Variants in PTPRE observed in about 807,000 individuals in gnomAD.
PTPRE encodes receptor-type tyrosine-protein phosphatase epsilon.
In PTPRE, 51 loss-of-function variants were observed where a neutral mutation model predicts 102.0. That is an observed-to-expected ratio of 0.50 (90% CI 0.40 to 0.63). The LOEUF (loss-of-function observed/expected upper bound fraction) is 0.63, where lower values mean the gene tolerates loss of function less well. Among genes scored for constraint, PTPRE ranks in the 30% least tolerant of loss-of-function variants. PTPRE has a pLI of 0.00. For synonymous variants in PTPRE, 345 were observed against 348.2 expected, an observed-to-expected ratio of 0.99 and a Z score of 0.10; for missense variants, 752 against 915.1, an observed-to-expected ratio of 0.82 and a Z score of 2.30.
At chr10:127,936,964 G>A (rs968396111) in intron 1 of PTPRE, among the ~76,000 whole-genome samples, 6 of 152,150 alleles carry the variant, frequency 3.9e-5, no homozygotes, top group Non-Finnish European at 7.4e-5. Flanking sequence ...TGCAGTGAAG[G>A]TGGCCTGTCT....
intron 1 of PTPRE, among the ~76,000 whole-genome samples, chr10:127,922,899 C>T (rs1421587916): frequency 2.0e-5 from 3 of 152,214 alleles, no homozygotes; most frequent in South Asian, 2.1e-4. Flanking sequence ...CTTAGGACCT[C>T]GTCTTCCAGA....
At chr10:128,068,016 C>G in intron 11 of PTPRE, 107 bp from the exon 12 acceptor site, 5 of 1,301,244 alleles carry the variant, frequency 3.8e-6, no homozygotes, top group Admixed American at 4.3e-5. Flanking sequence ...CCCTCCCCTA[C>G]GCAGCCCCAG....
intron 1 of PTPRE, among the ~76,000 whole-genome samples, chr10:127,943,970 G>A (rs1303235565): frequency 1.3e-5 from 2 of 152,158 alleles, no homozygotes; most frequent in Non-Finnish European, 2.9e-5. Flanking sequence ...ATGGGCATTG[G>A]GGCTGGGAAG....
At chr10:127,974,242 G>A (rs1021961144) in intron 1 of PTPRE, among the ~76,000 whole-genome samples, 3 of 152,094 alleles carry the variant, frequency 2.0e-5, no homozygotes, top group Non-Finnish European at 2.9e-5. Flanking sequence ...TTCTGCGTCC[G>A]GTCCTTACCT....
chr10:128,069,881 C>A, intron 13 of PTPRE, 54 bp downstream of exon 13: 1 of 1,612,878 alleles, frequency 6.2e-7, no homozygotes, highest in South Asian at 1.1e-5. Flanking sequence ...AAACCCGATG[C>A]CTTCGCCACA....
At chr10:128,033,415 A>AT (rs922300655) in intron 2 of PTPRE, among the ~76,000 whole-genome samples, 3 of 152,116 alleles carry the variant, frequency 2.0e-5, no homozygotes, top group Non-Finnish European at 4.4e-5. Context: ...GTTTTATTTT[A>AT]TTTTTTTATT....
chr10:128,060,213 A>T (rs1033837435), intron 7 of PTPRE, among the ~76,000 whole-genome samples: 9 of 150,198 alleles, frequency 6.0e-5, no homozygotes, highest in African/African-American at 2.2e-4. Flanking sequence ...TACACACCAC[A>T]CACACACCAC....
chr10:128,068,173 C>T lies in PTPRE; in HGVS notation c.894C>T (p.Phe298=). The change falls in exon 12 of 21, where the codon TTC becomes TTT. Residue 298 remains phenylalanine, a synonymous_variant. Transcript: ENST00000254667. ...CCAGGCTGGTCTCACAGCTGCACTT[C>T]ACCAGCTGGCCCGACTTCGGAGTGC... ...KAPRLVSQLH[F]TSWPDFGVPF... The T allele has an allele frequency of 6.2e-7, 1 of 1,614,180 alleles. No individual in the cohort carries two copies. The highest frequency in any genetic ancestry group is 8.5e-7 in the Non-Finnish European group (1 of 1,180,000).
At chr10:127,920,808 A>G (rs1344275596) in intron 1 of PTPRE, among the ~76,000 whole-genome samples, 1 of 152,222 alleles carries the variant, frequency 6.6e-6, no homozygotes, top group Non-Finnish European at 1.5e-5. Flanking sequence ...CTGGATCCAC[A>G]TGGCCAGATG....
chr10:127,982,054 T>A (rs1232574076), intron 1 of PTPRE, among the ~76,000 whole-genome samples: 1 of 152,068 alleles, frequency 6.6e-6, no homozygotes, highest in Admixed American at 6.6e-5. Flanking sequence ...CATCAACTGA[T>A]CATTAGAGGT....
chr10:127,932,797 G>GC (rs35155038), intron 1 of PTPRE, among the ~76,000 whole-genome samples: 31,345 of 152,180 alleles, frequency 0.21, 3,390 homozygotes, highest in East Asian at 0.27. Flanking sequence ...TTGACGGGCT[G>GC]CAGGGTCATG....
intron 2 of PTPRE, among the ~76,000 whole-genome samples, chr10:128,007,575 T>A (rs554632751): frequency 6.6e-6 from 1 of 152,376 alleles, no homozygotes; most frequent in South Asian, 2.1e-4. Context: ...TCTTACAATG[T>A]TTCAGAATAA....
chr10:128,066,242 G>T (rs768703618), intron 11 of PTPRE, 48 bp downstream of exon 11: 1 of 1,602,680 alleles, frequency 6.2e-7, no homozygotes. Flanking sequence ...TTTTCAGAGA[G>T]CATCATGCCC....
intron 2 of PTPRE, among the ~76,000 whole-genome samples, chr10:128,004,641 T>C (rs1362088606): frequency 2.0e-5 from 3 of 152,272 alleles, no homozygotes; most frequent in African/African-American, 4.8e-5. Flanking sequence ...GTTTACTCAT[T>C]CATCAGTGGA....
Position 128,077,602 on chromosome 10 carries a change from C to T in PTPRE, c.1726-15C>T. 2 of 1,593,950 alleles carry T rather than the reference C, an allele frequency of 1.3e-6. No homozygotes were observed. Among genetic ancestry groups the T allele is most frequent in the Non-Finnish European group, 1.7e-6 (2 of 1,165,432 alleles). Reference sequence around the variant, plus strand: ...GGCAGGCAGGCGACGCTGAGACCCCCTCTCCTCCCTGCAGCCCCAGGCCCG... The same window carrying T: ...GGCAGGCAGGCGACGCTGAGACCCCTTCTCCTCCCTGCAGCCCCAGGCCCG... On this transcript the variant is annotated splice_polypyrimidine_tract_variant and intron_variant, in intron 18 of 20. Coordinates refer to ENST00000254667, the MANE Select transcript of PTPRE (RefSeq NM_006504.6).
chr10:127,927,365 C>T (rs948505995), intron 1 of PTPRE, among the ~76,000 whole-genome samples: 2 of 152,304 alleles, frequency 1.3e-5, no homozygotes, highest in Admixed American at 6.5e-5. Context: ...CAGAATCCTA[C>T]TCAATGTGGC....
At chr10:127,957,103 C>A (rs115100374) in intron 1 of PTPRE, among the ~76,000 whole-genome samples, 2,923 of 152,160 alleles carry the variant, frequency 0.019, 96 homozygotes, top group African/African-American at 0.067. Context: ...TCAATTCTTT[C>A]TTTTATGGGT....
At chr10:128,061,821 G>GTGTGTTTACACCT (rs1849617280) in intron 9 of PTPRE, 106 bp downstream of exon 9, 28 of 1,369,992 alleles carry the variant, frequency 2.0e-5, no homozygotes, top group Admixed American at 3.0e-5. Context: ...ATTTGTGTGT[G>GTGTGTTTACACCT]TGTGTTTACA....
At chr10:128,066,883 G>A (rs1038551595) in intron 11 of PTPRE, among the ~76,000 whole-genome samples, 1 of 151,730 alleles carries the variant, frequency 6.6e-6, no homozygotes, top group African/African-American at 2.4e-5. Context: ...GGCGCACACA[G>A]GCACTCACAT....
Sources: gnomAD v4.1 joint callset for allele counts (sites outside exome capture counted in the v4.1 genomes callset) on GRCh38, gnomAD v4.1.1 for gene constraint, MANE v1.5 for transcripts, NCBI Gene and HGNC (gene_info 2026-07-23, HGNC 2026-07-21) for gene names.